SLC9A9: variants seen among roughly 807,000 people sequenced by gnomAD.
SLC9A9 encodes solute carrier family 9 member A9, also known as sodium/hydrogen exchanger 9.
A neutral mutation model predicts 77.8 loss-of-function variants in SLC9A9; 62 were observed. The observed-to-expected ratio is 0.80, with a 90% CI of 0.65 to 0.98. SLC9A9 has a LOEUF of 0.98. Ranked by LOEUF, SLC9A9 falls within the 50% of genes least tolerant of loss-of-function variation. SLC9A9 has a pLI of 0.00. For synonymous variants in SLC9A9, 320 were observed against 283.5 expected (o/e 1.13, Z -1.29); for missense variants, 775 against 774.9 (o/e 1.00, Z 0.00).
chr3:143,464,556 T>C (rs891089431), intron 12 of SLC9A9, among the ~76,000 whole-genome samples: 4 of 152,206 alleles, frequency 2.6e-5, no homozygotes, highest in Non-Finnish European at 5.9e-5. Context: ...GAATCTACAC[T>C]GCAGGCTCAG....
At chr3:143,524,479 C>T (rs1381991459) in intron 9 of SLC9A9, among the ~76,000 whole-genome samples, 4 of 152,194 alleles carry the variant, frequency 2.6e-5, no homozygotes, top group East Asian at 3.9e-4. Context: ...AAGATCGTGC[C>T]GTGACTACAT....
intron 14 of SLC9A9, among the ~76,000 whole-genome samples, chr3:143,313,735 A>C (rs1367906746): frequency 1.3e-5 from 2 of 152,228 alleles, no homozygotes; most frequent in East Asian, 3.8e-4. Context: ...CCCTGCTTCC[A>C]CCATTCTGGC....
chr3:143,507,472 G>C (rs2036042231), intron 9 of SLC9A9, among the ~76,000 whole-genome samples: 1 of 152,046 alleles, frequency 6.6e-6, no homozygotes, highest in South Asian at 2.1e-4. Flanking sequence ...CTCCCAAAGT[G>C]CTAGGATTAC....
At chr3:143,463,396 G>A (rs2035231093) in intron 12 of SLC9A9, among the ~76,000 whole-genome samples, 2 of 152,218 alleles carry the variant, frequency 1.3e-5, no homozygotes, top group Admixed American at 1.3e-4. Context: ...TGGTGCCACT[G>A]CCAGAGAGCT....
intron 9 of SLC9A9, among the ~76,000 whole-genome samples, chr3:143,521,190 T>C (rs561399996): frequency 3.9e-5 from 6 of 152,198 alleles, no homozygotes; most frequent in Non-Finnish European, 8.8e-5. Context: ...CTAAACAATT[T>C]ATGATTTTTG....
chr3:143,798,357 C>T (rs1463066731), intron 2 of SLC9A9, among the ~76,000 whole-genome samples: 1 of 152,164 alleles, frequency 6.6e-6, no homozygotes, highest in Non-Finnish European at 1.5e-5. Flanking sequence ...GGTGTGTGAT[C>T]ACCACAGGGA....
At chr3:143,731,568 C>A (rs921373887) in intron 4 of SLC9A9, among the ~76,000 whole-genome samples, 1 of 152,220 alleles carries the variant, frequency 6.6e-6, no homozygotes, top group African/African-American at 2.4e-5. Context: ...AAGTGCTTGG[C>A]TGTACCCATC....
intron 14 of SLC9A9, among the ~76,000 whole-genome samples, chr3:143,340,810 C>A (rs1225495702): frequency 6.6e-6 from 1 of 152,156 alleles, no homozygotes; most frequent in Non-Finnish European, 1.5e-5. Context: ...TCCAGACACC[C>A]TTTTATGTGC....
intron 2 of SLC9A9, among the ~76,000 whole-genome samples, chr3:143,808,196 A>G (rs2008774629): frequency 6.6e-6 from 1 of 152,246 alleles, no homozygotes; most frequent in Admixed American, 6.5e-5. Context: ...GTTTCCTCTC[A>G]CTAGCACATA....
rs564726183 is a variant in SLC9A9 at position 143,784,693 on chromosome 3, G to T, written c.533+10308C>A. Among the ~76,000 whole-genome samples, 17 of 152,102 alleles carry T rather than the reference G, an allele frequency of 1.1e-4. No homozygotes were observed. The South Asian group carries it at 3.3e-3, about 30-fold the overall frequency. On this transcript the variant is annotated intron_variant, in intron 4 of 15. Coordinates refer to ENST00000316549, the MANE Select transcript of SLC9A9 (RefSeq NM_173653.4). ...ATTTTCTAATGCAAGTTCTTACCTT[G>T]ATATCTCTGAAGATATTTTATAGTC...
intron 13 of SLC9A9, among the ~76,000 whole-genome samples, chr3:143,366,653 T>C (rs2108486769): frequency 6.6e-6 from 1 of 152,344 alleles, no homozygotes; most frequent in Middle Eastern, 3.4e-3. Context: ...TGCCAGACAC[T>C]ATTCTAAGTA....
chr3:143,584,049 G>A (rs1360152549), intron 6 of SLC9A9, among the ~76,000 whole-genome samples: 1 of 152,164 alleles, frequency 6.6e-6, no homozygotes, highest in Admixed American at 6.5e-5. Flanking sequence ...GTGAAATGCT[G>A]CTGATAGTGA....
chr3:143,824,204 T>C (rs1559815625), intron 2 of SLC9A9, among the ~76,000 whole-genome samples: 1 of 152,088 alleles, frequency 6.6e-6, no homozygotes, highest in African/African-American at 2.4e-5. Context: ...TGCCCTTCTC[T>C]ACTTTAAAAA....
intron 14 of SLC9A9, among the ~76,000 whole-genome samples, chr3:143,346,309 T>G (rs1214082302): frequency 6.6e-6 from 1 of 152,220 alleles, no homozygotes; most frequent in African/African-American, 2.4e-5. Context: ...ACCAAAACTT[T>G]ACTCAAATGG....
chr3:143,448,206 C>T (rs1576503143), intron 12 of SLC9A9, among the ~76,000 whole-genome samples: 1 of 152,090 alleles, frequency 6.6e-6, no homozygotes, highest in Non-Finnish European at 1.5e-5. Flanking sequence ...TGAATGTTTG[C>T]TAGATCCTGG....
chr3:143,290,457 T>C (rs2029903805), intron 14 of SLC9A9, among the ~76,000 whole-genome samples: 1 of 152,244 alleles, frequency 6.6e-6, no homozygotes, highest in African/African-American at 2.4e-5. Context: ...TGGTCACACA[T>C]TCCCAGATTT....
At chr3:143,416,848 T>C (rs944054574) in intron 12 of SLC9A9, among the ~76,000 whole-genome samples, 25 of 152,232 alleles carry the variant, frequency 1.6e-4, no homozygotes, top group Non-Finnish European at 2.8e-4. Flanking sequence ...TATGTCTACA[T>C]GCATTCGCAC....
Position 143,297,321 on chromosome 3 carries a change from G to A in SLC9A9, c.1605-28341C>T, listed in dbSNP as rs1490149393. 2.6e-5 allele frequency among the ~76,000 whole-genome samples: 4 copies of A among 152,334 alleles called. No homozygotes were observed. The East Asian group carries it at 7.7e-4, about 29-fold the overall frequency. On this transcript the variant is annotated intron_variant, in intron 14 of 15. Transcript: ENST00000316549. ...CACAATTGTCAGAGATTAGTTGACTGTATATACATGGTTTTCTTGTGTGAA... is the reference window on the plus strand; with the variant it reads ...CACAATTGTCAGAGATTAGTTGACTATATATACATGGTTTTCTTGTGTGAA...
intron 9 of SLC9A9, among the ~76,000 whole-genome samples, chr3:143,521,373 T>C (rs958044200): frequency 3.3e-5 from 5 of 152,156 alleles, no homozygotes; most frequent in African/African-American, 1.2e-4. Context: ...ATCTGGATGC[T>C]GGTTATACAG....
Sources: gnomAD v4.1 joint callset for allele counts (sites outside exome capture counted in the v4.1 genomes callset) on GRCh38, gnomAD v4.1.1 for gene constraint, MANE v1.5 for transcripts, NCBI Gene and HGNC (gene_info 2026-07-23, HGNC 2026-07-21) for gene names.